PCDHGA4: variants seen among roughly 807,000 people sequenced by gnomAD.
PCDHGA4 encodes the protein protocadherin gamma-A4.
In PCDHGA4, 38 loss-of-function variants were observed where a neutral mutation model predicts 54.6. The observed-to-expected ratio is 0.70, with a 90% CI of 0.54 to 0.91. The LOEUF (loss-of-function observed/expected upper bound fraction) is 0.91. Among genes scored for constraint, PCDHGA4 ranks in the 40% least tolerant of loss-of-function variants. The pLI is 0.00. For missense variants in PCDHGA4, 1,298 were observed against 1,220.9 expected, an observed-to-expected ratio of 1.06 and a Z score of -0.94; for synonymous variants, 511 against 512.9, an observed-to-expected ratio of 1.00 and a Z score of 0.05.
At chr5:141,359,614 T>C (rs76024050) in intron 1 of PCDHGA4, among the ~76,000 whole-genome samples, 89 of 151,982 alleles carry the variant, frequency 5.9e-4, no homozygotes, top group African/African-American at 2.0e-3. Context: ...CAGAATATGG[T>C]ATGTTGTATG....
At position 141,432,001 on chromosome 5, in the gene PCDHGA4, G is replaced by T. The variant is rs755338230; in HGVS notation, c.2515-62806G>T. On this transcript the variant is annotated intron_variant, in intron 1 of 3. Coordinates refer to ENST00000571252, the MANE Select transcript of PCDHGA4 (RefSeq NM_018917.4). This position sits in a 1 kb window ranked among gnomAD's most constrained non-coding sequence, Gnocchi z 6.0. Reference sequence around the variant, plus strand: ...CAGACATAGTCTTGGATAGGGAACAGGTTCCTAGCTACAACATCACAGTGA... The same window carrying T: ...CAGACATAGTCTTGGATAGGGAACATGTTCCTAGCTACAACATCACAGTGA... 4 of 1,614,220 alleles carry T rather than the reference G, an allele frequency of 2.5e-6. No homozygotes were observed. In the East Asian group the frequency reaches 8.9e-5, roughly 36 times the overall value.
chr5:141,359,612 G>A (rs989311707), intron 1 of PCDHGA4, among the ~76,000 whole-genome samples: 1 of 151,696 alleles, frequency 6.6e-6, no homozygotes, highest in Admixed American at 6.6e-5. Context: ...TGCAGAATAT[G>A]GTATGTTGTA....
rs372466798 is a variant in PCDHGA4 at position 141,413,407 on chromosome 5, C to T, written c.2514+55786C>T. On this transcript the variant is annotated intron_variant, in intron 1 of 3. Transcript: ENST00000571252. ...CATAGTCTCCAGAGGTAGGACGCAG[C>T]TTTTCTCTCTGAACCCGCGCAGCGG... The T allele has an allele frequency of 6.2e-7, 1 of 1,614,044 alleles. No individual in the cohort carries two copies. The highest frequency in any genetic ancestry group is 8.5e-7 in the Non-Finnish European group (1 of 1,179,938).
chr5:141,493,440 G>A lies in PCDHGA4; in HGVS notation c.2515-1367G>A, dbSNP rs2099748297. The stretch of plus-strand genomic sequence containing the variant: ...TTTTGCTTCTGCTGGGATGGGGCAA[G>A]GGTGGGGTTCCTTCCCTTTTAGGAC... On this transcript the variant is annotated intron_variant, in intron 1 of 3. Coordinates refer to ENST00000571252, the MANE Select transcript of PCDHGA4 (RefSeq NM_018917.4). The surrounding 1 kb of genome is among the most constrained non-coding windows in gnomAD (Gnocchi z 4.3). Among the ~76,000 whole-genome samples, 1 of 152,208 alleles carries A rather than the reference G, an allele frequency of 6.6e-6. No homozygotes were observed. Among genetic ancestry groups the A allele is most frequent in the African/African-American group, 2.4e-5 (1 of 41,450 alleles).
chr5:141,462,242 G>A (rs1325040495), intron 1 of PCDHGA4, among the ~76,000 whole-genome samples: 3 of 152,234 alleles, frequency 2.0e-5, no homozygotes, highest in Non-Finnish European at 4.4e-5. Context: ...TTACAGGTAT[G>A]AGCCACCATG....
At chr5:141,481,323 C>T (rs539518691) in intron 1 of PCDHGA4, among the ~76,000 whole-genome samples, 1 of 152,284 alleles carries the variant, frequency 6.6e-6, no homozygotes, top group Non-Finnish European at 1.5e-5. Flanking sequence ...AAAGCACTAG[C>T]CCCTGGACAA....
At chr5:141,419,316 G>T in intron 1 of PCDHGA4, 2 of 1,613,994 alleles carry the variant, frequency 1.2e-6, no homozygotes, top group Non-Finnish European at 1.7e-6. Context: ...CTCAACGGCC[G>T]TGTCTCCTAC....
intron 1 of PCDHGA4, chr5:141,427,068 G>A (rs1407368715): frequency 2.2e-6 from 1 of 457,950 alleles, no homozygotes; most frequent in East Asian, 6.9e-5. Flanking sequence ...TGTACTAAAG[G>A]TGACAGCCAC....
At chr5:141,508,440 T>C (rs2099868879) in intron 3 of PCDHGA4, among the ~76,000 whole-genome samples, 1 of 152,186 alleles carries the variant, frequency 6.6e-6, no homozygotes, top group African/African-American at 2.4e-5. Context: ...CACAGTTCCT[T>C]AGTGGCAGAG....
chr5:141,484,699 T>A (rs899065665), intron 1 of PCDHGA4, among the ~76,000 whole-genome samples: 4 of 151,966 alleles, frequency 2.6e-5, no homozygotes, highest in African/African-American at 9.7e-5. Flanking sequence ...GCTGTGGCTG[T>A]TTTCCCCGCC....
In PCDHGA4 at chr5:141,488,566, A is replaced by T. The variant is rs1354931497; in HGVS notation, c.2515-6241A>T. On this transcript the variant is annotated intron_variant, in intron 1 of 3. Coordinates refer to ENST00000571252, the MANE Select transcript of PCDHGA4 (RefSeq NM_018917.4). ...TGTCAGCTGACATTGAGATTTCCGC[A>T]AAGCATTGCTGGAGAGTCAGGGCAA... 5.9e-5 allele frequency among the ~76,000 whole-genome samples: 9 copies of T among 152,324 alleles called. No individual in the cohort carries two copies. In the East Asian group the frequency reaches 1.5e-3, roughly 26 times the overall value.
intron 1 of PCDHGA4, among the ~76,000 whole-genome samples, chr5:141,492,090 C>T (rs751238997): frequency 1.4e-4 from 21 of 152,258 alleles, no homozygotes; most frequent in Admixed American, 6.5e-5. Flanking sequence ...GCACGCTTCG[C>T]CGGTCTGTAG....
chr5:141,409,900 T>G (rs756245078), intron 1 of PCDHGA4: 1 of 1,613,144 alleles, frequency 6.2e-7, no homozygotes, highest in Non-Finnish European at 8.5e-7. Flanking sequence ...TGTACCCAGC[T>G]CTGGGTCCTG....
rs921020435 is a variant in PCDHGA4, at chr5:141,477,853, G to A, written c.2515-16954G>A. 5.0e-6 allele frequency: 8 copies of A among 1,613,344 alleles called. No homozygotes were observed. The East Asian group carries it at 1.6e-4, about 31-fold the overall frequency. On this transcript the variant is annotated intron_variant, in intron 1 of 3. Coordinates refer to ENST00000571252, the MANE Select transcript of PCDHGA4 (RefSeq NM_018917.4). The surrounding 1 kb of genome is among the most constrained non-coding windows in gnomAD (Gnocchi z 4.9). The stretch of plus-strand genomic sequence containing the variant: ...GGCCAGGTGGGAGCTCGGTGGAGAT[G>A]CTGCCTCGAGGTACCTCAGCTGGCC...
chr5:141,389,323 G>A (rs1230521211), intron 1 of PCDHGA4: 1 of 1,613,862 alleles, frequency 6.2e-7, no homozygotes. Context: ...CCGGACTTGG[G>A]GCCCAACGGC....
At chr5:141,372,970 T>C (rs866196404) in intron 1 of PCDHGA4, 1 of 680,560 alleles carries the variant, frequency 1.5e-6, no homozygotes, top group East Asian at 2.8e-5. Flanking sequence ...GAATTTCCTG[T>C]AGAATATCTG....
chr5:141,385,238 T>C (rs756116390), intron 1 of PCDHGA4: 1 of 1,614,074 alleles, frequency 6.2e-7, no homozygotes, highest in Non-Finnish European at 8.5e-7. Context: ...GACATGCTCA[T>C]CAGCCAGGAG....
chr5:141,360,278 G>A lies in PCDHGA4; in HGVS notation c.2514+2657G>A, dbSNP rs1761512011. On this transcript the variant is annotated intron_variant, in intron 1 of 3. Transcript: ENST00000571252. ...GAGCTGGCCAAAAACTCGGTCGTAGGAAACCTCGCCAAGGATCTGGGGCTC... is the reference window on the plus strand; with the variant it reads ...GAGCTGGCCAAAAACTCGGTCGTAGAAAACCTCGCCAAGGATCTGGGGCTC... 1.9e-6 allele frequency: 3 copies of A among 1,613,846 alleles called. No individual in the cohort carries two copies. In the African/African-American group the frequency reaches 4.0e-5, roughly 22 times the overall value.
intron 1 of PCDHGA4, chr5:141,360,964 A>G (rs771504785): frequency 1.2e-6 from 2 of 1,613,962 alleles, no homozygotes; most frequent in Non-Finnish European, 1.7e-6. Flanking sequence ...AAACGCAGAG[A>G]TCACCTACTC....
Sources: allele counts gnomAD v4.1 joint callset (sites outside exome capture counted in the v4.1 genomes callset), GRCh38; gene constraint gnomAD v4.1.1; non-coding constraint Gnocchi (gnomAD v3.1); transcripts MANE v1.5; gene names NCBI Gene and HGNC (gene_info 2026-07-23, HGNC 2026-07-21).